Variants in IQCM observed in about 807,000 individuals in gnomAD.
IQCM encodes IQ motif containing M, also known as IQ domain-containing protein M.
IQCM carries 45 observed loss-of-function variants against 57.6 expected under a neutral mutation model. That is an observed-to-expected ratio of 0.78 (90% confidence interval 0.62 to 1.00). The LOEUF is 1.00. IQCM is among the 50% of genes least tolerant of loss of function. IQCM has a pLI of 0.00. For synonymous variants in IQCM, 148 were observed against 158.9 expected (o/e 0.93, Z 0.51); for missense variants, 468 against 511.6 (o/e 0.91, Z 0.82).
chr4:149,687,793 A>C (rs910881968), intron 5 of IQCM, among the ~76,000 whole-genome samples: 1 of 151,956 alleles, frequency 6.6e-6, no homozygotes, highest in Non-Finnish European at 1.5e-5. Context: ...GGATGGTTTA[A>C]CATATGCAAG....
At chr4:149,698,598 T>TAAA (rs1763519397) in intron 5 of IQCM, among the ~76,000 whole-genome samples, 1 of 152,092 alleles carries the variant, frequency 6.6e-6, no homozygotes, top group Admixed American at 6.6e-5. Context: ...ACGTAACTAT[T>TAAA]TTCAGAAATC....
intron 12 of IQCM, among the ~76,000 whole-genome samples, chr4:149,468,049 C>T (rs1422216760): frequency 1.3e-5 from 2 of 152,156 alleles, no homozygotes; most frequent in East Asian, 3.9e-4. Flanking sequence ...ATAGGAACAG[C>T]TCCAGTCTGC....
At chr4:149,612,633 G>GT (rs1175257889) in intron 8 of IQCM, among the ~76,000 whole-genome samples, 11 of 152,032 alleles carry the variant, frequency 7.2e-5, no homozygotes, top group East Asian at 1.9e-4. Context: ...AAAAAAGCGG[G>GT]TTTTTTTGGT....
At chr4:149,794,446 A>G (rs1483868222) in intron 2 of IQCM, among the ~76,000 whole-genome samples, 3 of 152,258 alleles carry the variant, frequency 2.0e-5, no homozygotes, top group Non-Finnish European at 2.9e-5. Flanking sequence ...GTGTTCACCC[A>G]AGTATATATA....
intron 11 of IQCM, among the ~76,000 whole-genome samples, chr4:149,551,327 C>G (rs1749008297): frequency 6.6e-6 from 1 of 152,208 alleles, no homozygotes; most frequent in Admixed American, 6.5e-5. Context: ...AGCTAGAAAG[C>G]ACCAGAGTCC....
intron 5 of IQCM, among the ~76,000 whole-genome samples, chr4:149,720,536 A>C (rs1349159945): frequency 6.6e-6 from 1 of 152,186 alleles, no homozygotes; most frequent in Non-Finnish European, 1.5e-5. Flanking sequence ...GGTCAGTATA[A>C]AAAGAGAAAA....
chr4:149,749,101 C>A (rs1190120780), intron 2 of IQCM, among the ~76,000 whole-genome samples: 1 of 152,174 alleles, frequency 6.6e-6, no homozygotes, highest in African/African-American at 2.4e-5. Context: ...CTGAAATATT[C>A]ACACACTGCC....
At chr4:149,721,323 A>T (rs945177554) in intron 5 of IQCM, among the ~76,000 whole-genome samples, 1 of 151,882 alleles carries the variant, frequency 6.6e-6, no homozygotes, top group Non-Finnish European at 1.5e-5. Context: ...TTAGGGCTAC[A>T]AGTGGTTTTT....
intron 2 of IQCM, among the ~76,000 whole-genome samples, chr4:149,758,251 T>C (rs969847633): frequency 1.3e-5 from 2 of 152,132 alleles, no homozygotes; most frequent in African/African-American, 4.8e-5. Context: ...TTTCAACAAA[T>C]GGTATGGAAC....
chr4:149,548,640 G>C (rs1369771179), intron 11 of IQCM, 51 bp from the exon 12 acceptor site: 3 of 936,496 alleles, frequency 3.2e-6, no homozygotes, highest in Non-Finnish European at 4.2e-6. Context: ...AATACATCAA[G>C]TAAAAACTTT....
rs982708528 is a variant in IQCM, at chr4:149,374,676, T to C, written c.1391-22610A>G. On this transcript the variant is annotated intron_variant, in intron 13 of 13. Coordinates refer to ENST00000636793, the MANE Select transcript of IQCM (RefSeq NM_001363507.2). Reference sequence around the variant, plus strand: ...TAATGCTATTAATGAAAGGAAGTTTTGTTTGTTTGCTTTCCTGTTTTCTGG... The same window carrying C: ...TAATGCTATTAATGAAAGGAAGTTTCGTTTGTTTGCTTTCCTGTTTTCTGG... Among the ~76,000 whole-genome samples the C allele has an allele frequency of 9.2e-5, 14 of 152,144 alleles. 1 individual carries two copies. The highest frequency in any genetic ancestry group is 4.1e-4 in the South Asian group (2 of 4,830).
intron 5 of IQCM, among the ~76,000 whole-genome samples, chr4:149,723,859 A>T (rs1765663224): frequency 6.6e-6 from 1 of 151,166 alleles, no homozygotes; most frequent in Non-Finnish European, 1.5e-5. Context: ...TTTCAGTAGG[A>T]TTGATACCAA....
chr4:149,810,462 T>G (rs550528166), intron 2 of IQCM, among the ~76,000 whole-genome samples: 1 of 152,178 alleles, frequency 6.6e-6, no homozygotes, highest in South Asian at 2.1e-4. Flanking sequence ...TAATTTTTTT[T>G]TCTTTGAGAC....
At chr4:149,717,581 A>G (rs1765106475) in intron 5 of IQCM, among the ~76,000 whole-genome samples, 1 of 152,256 alleles carries the variant, frequency 6.6e-6, no homozygotes, top group East Asian at 1.9e-4. Context: ...TAAAATCTTA[A>G]TAAGTTCAGC....
chr4:149,528,334 T>C (rs867870803), intron 12 of IQCM, among the ~76,000 whole-genome samples: 2 of 152,158 alleles, frequency 1.3e-5, no homozygotes, highest in African/African-American at 4.8e-5. Context: ...TGAGGCACCA[T>C]GTAGAACCCA....
At chr4:149,807,165 A>T (rs1023030531) in intron 2 of IQCM, among the ~76,000 whole-genome samples, 2 of 151,972 alleles carry the variant, frequency 1.3e-5, no homozygotes, top group African/African-American at 4.8e-5. Context: ...AAATCCTAAA[A>T]CTCATAGGGA....
intron 12 of IQCM, among the ~76,000 whole-genome samples, chr4:149,492,756 T>C (rs569780989): frequency 2.9e-4 from 44 of 152,248 alleles, no homozygotes; most frequent in African/African-American, 8.7e-4. Context: ...TTAGCACAGA[T>C]GCAACTTTCA....
intron 10 of IQCM, among the ~76,000 whole-genome samples, chr4:149,562,056 G>T (rs1750176265): frequency 6.6e-6 from 1 of 152,156 alleles, no homozygotes; most frequent in African/African-American, 2.4e-5. Flanking sequence ...AATGTGTCAG[G>T]GGGTATCATG....
chr4:149,815,443 T>C (rs903423580), intron 1 of IQCM, 95 bp from the exon 2 acceptor site: 1 of 151,866 alleles, frequency 6.6e-6, no homozygotes, highest in African/African-American at 2.4e-5. Context: ...AGCAAAAAAA[T>C]TTATAAACAT....
Sources: gnomAD v4.1 joint callset for allele counts (sites outside exome capture counted in the v4.1 genomes callset) on GRCh38, gnomAD v4.1.1 for gene constraint, MANE v1.5 for transcripts, NCBI Gene and HGNC (gene_info 2026-07-23, HGNC 2026-07-21) for gene names.